UNC80: variants seen among roughly 807,000 people sequenced by gnomAD.
UNC80 encodes the protein protein unc-80 homolog.
UNC80 carries 164 observed loss-of-function variants against 384.6 expected under a neutral mutation model. That is an observed-to-expected ratio of 0.43 (90% CI 0.38 to 0.49). The LOEUF (loss-of-function observed/expected upper bound fraction) is 0.49, where lower values mean the gene tolerates loss of function less well. Ranked by LOEUF, UNC80 falls within the 20% of genes least tolerant of loss-of-function variation. The pLI is 0.00. For missense variants in UNC80, 3,330 were observed against 4,143.0 expected (o/e 0.80, Z 5.39); for synonymous variants, 1,486 against 1,527.8 (o/e 0.97, Z 0.64).
chr2:209,771,956 C>T lies in UNC80; in HGVS notation c.-117C>T. ...CACGGGGGATCAGGGCGGAGAGAGCCGGCTCTGCCTCGGGGAAGGAGGGGA... is the reference window on the plus strand; with the variant it reads ...CACGGGGGATCAGGGCGGAGAGAGCTGGCTCTGCCTCGGGGAAGGAGGGGA... On this transcript the variant is annotated 5_prime_UTR_variant, in exon 1 of 65. Coordinates refer to ENST00000673920, the MANE Select transcript of UNC80 (RefSeq NM_001371986.1). 1 of 737,390 alleles carries T rather than the reference C, an allele frequency of 1.4e-6. No homozygotes were observed. The highest frequency in any genetic ancestry group is 2.4e-6 in the Non-Finnish European group (1 of 418,304). The allele number at this position is 737,390 out of a possible 1,614,324, so 45.7% of individuals were successfully genotyped here. A position where few individuals can be genotyped will look rare whatever the true frequency, so the allele number is the denominator to read the frequency against.
In UNC80 at chr2:209,931,018, T is replaced by G; in HGVS notation, c.5958T>G (p.Phe1986Leu). Residue 1986 changes from phenylalanine (F) to leucine (L), a missense_variant, in exon 38 of 65, where the codon TTT becomes TTG. Transcript: ENST00000673920. ...LRKLLLNIGD[F>L]PAQTSHILFN... ...AACTTCTCTTGAATATTGGAGACTT[T>G]CCTGCTCAGACATCTCACATCCTAT... is the stretch of plus-strand genomic sequence containing the variant. 1 of 1,550,870 alleles carries G rather than the reference T, an allele frequency of 6.4e-7. No individual in the cohort carries two copies. The highest frequency in any genetic ancestry group is 8.7e-7 in the Non-Finnish European group (1 of 1,146,470).
At chr2:209,935,102 T>A (rs761669397) in intron 39 of UNC80, among the ~76,000 whole-genome samples, 1 of 152,236 alleles carries the variant, frequency 6.6e-6, no homozygotes, top group Non-Finnish European at 1.5e-5. Flanking sequence ...TCCCTGTTTA[T>A]ATTTTCTTAA....
chr2:209,972,110 G>T, intron 54 of UNC80, 91 bp from the exon 55 acceptor site: 1 of 1,446,830 alleles, frequency 6.9e-7, no homozygotes, highest in Non-Finnish European at 9.2e-7. Context: ...CAGCCAGCAG[G>T]GAGTCACCGT....
intron 23 of UNC80, among the ~76,000 whole-genome samples, chr2:209,876,992 A>T (rs1256357094): frequency 6.6e-6 from 1 of 152,180 alleles, no homozygotes; most frequent in Non-Finnish European, 1.5e-5. Context: ...ACTTGCTGAG[A>T]ATTTAGTAAC....
chr2:209,833,448 G>A (rs1178566001), intron 16 of UNC80, among the ~76,000 whole-genome samples: 2 of 151,954 alleles, frequency 1.3e-5, no homozygotes, highest in East Asian at 1.9e-4. Flanking sequence ...GTTTGTAGTC[G>A]AGTTCATGTT....
At chr2:209,948,356 T>C (rs1290479218) in intron 47 of UNC80, among the ~76,000 whole-genome samples, 4 of 152,100 alleles carry the variant, frequency 2.6e-5, no homozygotes, top group Non-Finnish European at 5.9e-5. Flanking sequence ...GTCTTTTTAT[T>C]TTAGCTATTT....
At position 209,995,319 on chromosome 2, in the gene UNC80, T is replaced by G; in HGVS notation, c.9709-10T>G. ...ATCTTTCCATAATGTTATGATCCTTTTGATCACAGAGTGAGAACTTCCCCA... is the reference window on the plus strand; with the variant it reads ...ATCTTTCCATAATGTTATGATCCTTGTGATCACAGAGTGAGAACTTCCCCA... On this transcript the variant is annotated splice_polypyrimidine_tract_variant and intron_variant, in intron 64 of 64. Transcript: ENST00000673920. The G allele has an allele frequency of 6.4e-7, 1 of 1,552,026 alleles. No individual in the cohort carries two copies. The highest frequency in any genetic ancestry group is 8.7e-7 in the Non-Finnish European group (1 of 1,147,040).
At chr2:209,849,672 A>T (rs944158637) in intron 22 of UNC80, 49 bp downstream of exon 22, 6 of 1,528,880 alleles carry the variant, frequency 3.9e-6, no homozygotes, top group Middle Eastern at 1.8e-4. Context: ...CCCAAGTAGC[A>T]CTATTAACAG....
At chr2:209,971,846 T>C (rs1320539965) in intron 54 of UNC80, among the ~76,000 whole-genome samples, 1 of 152,246 alleles carries the variant, frequency 6.6e-6, no homozygotes, top group Non-Finnish European at 1.5e-5. Context: ...AAGGAGCAAG[T>C]GAGAAGTTCT....
chr2:209,935,321 G>T (rs890243662), intron 39 of UNC80, among the ~76,000 whole-genome samples: 1 of 152,066 alleles, frequency 6.6e-6, no homozygotes, highest in African/African-American at 2.4e-5. Flanking sequence ...TAAAAGACAG[G>T]TAGAAGTATT....
In UNC80 at chr2:209,999,031, A is replaced by G. The variant is rs1023465973; in HGVS notation, c.*3436A>G. The stretch of plus-strand genomic sequence containing the variant: ...ATCATTTAGGATTACAGATCAATTT[A>G]CCTCCATAAATCTTTGAATTGTCAC... On this transcript the variant is annotated 3_prime_UTR_variant, in exon 65 of 65. Coordinates refer to ENST00000673920, the MANE Select transcript of UNC80 (RefSeq NM_001371986.1). 2.0e-5 allele frequency: 3 copies of G among 152,206 alleles called. No individual in the cohort carries two copies. The highest frequency in any genetic ancestry group is 4.4e-5 in the Non-Finnish European group (3 of 68,040). 9.4% of individuals were successfully genotyped at this position (152,206 alleles called of 1,614,324 possible). A position where few individuals can be genotyped will look rare whatever the true frequency, so the allele number is the denominator to read the frequency against.
chr2:209,993,165 A>G (rs2093422469), intron 62 of UNC80, 150 bp from the exon 63 acceptor site: 1 of 579,068 alleles, frequency 1.7e-6, no homozygotes, highest in Non-Finnish European at 2.9e-6. Context: ...TCAGAAGAAA[A>G]TACTTATAGT....
intron 24 of UNC80, among the ~76,000 whole-genome samples, chr2:209,878,474 A>C (rs2124891850): frequency 6.6e-6 from 1 of 152,306 alleles, no homozygotes; most frequent in South Asian, 2.1e-4. Flanking sequence ...TCCAGGAAAC[A>C]AAATCAGACC....
In UNC80 at chr2:209,835,049, T is replaced by G. The variant is rs780691941; in HGVS notation, c.3041+39T>G. 2.8e-6 allele frequency: 4 copies of G among 1,427,190 alleles called. No individual in the cohort carries two copies. The South Asian group carries it at 3.7e-5, about 13-fold the overall frequency. 88.4% of individuals were successfully genotyped at this position (1,427,190 alleles called of 1,614,324 possible). A position where few individuals can be genotyped will look rare whatever the true frequency, so the allele number is the denominator to read the frequency against. Reference sequence around the variant, plus strand: ...GTTTTGTCTCCAGTGCAGACGGCTATGCACTTCACTCTGGAAGAATTTCTA... The same window carrying G: ...GTTTTGTCTCCAGTGCAGACGGCTAGGCACTTCACTCTGGAAGAATTTCTA... On this transcript the variant is annotated intron_variant, in intron 18 of 64. Transcript: ENST00000673920.
At chr2:209,780,725 T>C (rs1190322270) in intron 4 of UNC80, among the ~76,000 whole-genome samples, 1 of 152,154 alleles carries the variant, frequency 6.6e-6, no homozygotes, top group Non-Finnish European at 1.5e-5. Context: ...TGGTCCTGAT[T>C]GAGAGCCACC....
intron 23 of UNC80, among the ~76,000 whole-genome samples, chr2:209,875,021 T>A (rs2084654500): frequency 6.6e-6 from 1 of 152,192 alleles, no homozygotes; most frequent in African/African-American, 2.4e-5. Flanking sequence ...TCCCCATGAC[T>A]TCTCATCTCG....
chr2:209,985,967 A>G (rs538647516), intron 61 of UNC80, among the ~76,000 whole-genome samples: 9 of 151,936 alleles, frequency 5.9e-5, no homozygotes, highest in Non-Finnish European at 1.3e-4. Flanking sequence ...TTTTAACCAG[A>G]CCCATAATTC....
In UNC80 at chr2:209,995,636, A is replaced by AT; in HGVS notation, c.*41_*42insT. 6.5e-7 allele frequency: 1 copy of AT among 1,540,372 alleles called. No homozygotes were observed. The highest frequency in any genetic ancestry group is 8.8e-7 in the Non-Finnish European group (1 of 1,139,806). ...GCTCTGCAGGTATAGAGAAGACATG[A>AT]AAGTGATCTCTCTACTACAAGTTCA... On this transcript the variant is annotated 3_prime_UTR_variant, in exon 65 of 65. Transcript: ENST00000673920.
intron 27 of UNC80, among the ~76,000 whole-genome samples, chr2:209,895,172 G>T (rs562308242): frequency 6.6e-6 from 1 of 152,242 alleles, no homozygotes; most frequent in African/African-American, 2.4e-5. Context: ...TATCTTAATA[G>T]ACAAGCAAAA....
Sources: allele counts gnomAD v4.1 joint callset (sites outside exome capture counted in the v4.1 genomes callset), GRCh38; gene constraint gnomAD v4.1.1; transcripts MANE v1.5; gene names NCBI Gene and HGNC (gene_info 2026-07-23, HGNC 2026-07-21).